The following TMEM167A variants were observed in gnomAD, a reference collection of about 807,000 sequenced individuals.
TMEM167A encodes transmembrane protein 167A.
In TMEM167A, 8 loss-of-function variants were observed where a neutral mutation model predicts 11.6. The observed-to-expected ratio is 0.69, with a 90% CI of 0.40 to 1.24. The LOEUF is 1.24. TMEM167A is among the 50% of genes most tolerant of loss of function. TMEM167A has a pLI of 0.01. For missense variants in TMEM167A, 62 were observed against 87.0 expected (o/e 0.71, Z 1.14); for synonymous variants, 22 against 28.0 (o/e 0.79, Z 0.67).
rs1388183412 is a variant in TMEM167A, at chr5:83,053,921, C to T, written c.*3163G>A. 1.3e-5 allele frequency: 2 copies of T among 151,994 alleles called. No individual in the cohort carries two copies. The highest frequency in any genetic ancestry group is 2.9e-5 in the Non-Finnish European group (2 of 67,942). The allele number at this position is 151,994 out of a possible 1,614,324, so 9.4% of individuals were successfully genotyped here. A position where few individuals can be genotyped will look rare whatever the true frequency, so the allele number is the denominator to read the frequency against. On this transcript the variant is annotated 3_prime_UTR_variant, in exon 4 of 4. Coordinates refer to ENST00000502346, the MANE Select transcript of TMEM167A (RefSeq NM_174909.5). ...TCACCTAGTGCACTATGAATTACTA[C>T]GAGGAAGAATCTGTGTGCCTATCTT... is the stretch of plus-strand genomic sequence containing the variant.
intron 1 of TMEM167A, among the ~76,000 whole-genome samples, chr5:83,075,638 G>A (rs773110324): frequency 3.3e-5 from 5 of 151,888 alleles, no homozygotes; most frequent in African/African-American, 4.8e-5. Flanking sequence ...CCAGCTACTC[G>A]GGAGGCTGAG....
chr5:83,072,267 G>C (rs1275560722), intron 1 of TMEM167A, among the ~76,000 whole-genome samples: 1 of 152,064 alleles, frequency 6.6e-6, no homozygotes, highest in Non-Finnish European at 1.5e-5. Context: ...ATAAATGGTA[G>C]AGTGAAAAAA....
Position 83,065,623 on chromosome 5 carries a change from AT to A in TMEM167A, c.4-507del, listed in dbSNP as rs200441456. Among the ~76,000 whole-genome samples, 42 of 152,254 alleles carry A rather than the reference AT, an allele frequency of 2.8e-4. No individual in the cohort carries two copies. The East Asian group carries it at 6.8e-3, about 25-fold the overall frequency. On this transcript the variant is annotated intron_variant, in intron 1 of 3. Coordinates refer to ENST00000502346, the MANE Select transcript of TMEM167A (RefSeq NM_174909.5). Reference sequence around the variant, plus strand: ...GTGCCAAAATGATGCTAAAAAAAAAATGTTCATTGGAGCATTTTGGATTTCT... The same window carrying A: ...GTGCCAAAATGATGCTAAAAAAAAAAGTTCATTGGAGCATTTTGGATTTCT...
At chr5:83,059,955 G>C (rs111756618) in intron 3 of TMEM167A, among the ~76,000 whole-genome samples, 2 of 141,840 alleles carry the variant, frequency 1.4e-5, no homozygotes, top group Non-Finnish European at 3.1e-5. Context: ...CCAGTTTAAG[G>C]TAATGATACT....
rs1315139801 is a variant in TMEM167A, at chr5:83,054,101, T to C, written c.*2983A>G. On this transcript the variant is annotated 3_prime_UTR_variant, in exon 4 of 4. Transcript: ENST00000502346. ...AATTTATTCAATCTCTATTTTGTCC[T>C]AACTAGACTGATCATCTTATTACTA... 2.0e-5 allele frequency: 3 copies of C among 152,042 alleles called. No homozygotes were observed. The highest frequency in any genetic ancestry group is 4.4e-5 in the Non-Finnish European group (3 of 67,926). 9.4% of individuals were successfully genotyped at this position (152,042 alleles called of 1,614,324 possible). A position where few individuals can be genotyped will look rare whatever the true frequency, so the allele number is the denominator to read the frequency against.
At chr5:83,071,516 A>G (rs943625387) in intron 1 of TMEM167A, 5 of 152,182 alleles carry the variant, frequency 3.3e-5, no homozygotes, top group African/African-American at 1.2e-4. Flanking sequence ...GCATTTTCCA[A>G]CTAGTCTCTT....
intron 3 of TMEM167A, 119 bp from the exon 4 acceptor site, chr5:83,057,273 G>T: frequency 1.2e-6 from 1 of 831,762 alleles, no homozygotes; most frequent in East Asian, 2.6e-5. Flanking sequence ...GCACATTGGG[G>T]GTGGGGCAGT....
intron 3 of TMEM167A, among the ~76,000 whole-genome samples, chr5:83,057,759 A>G (rs1410285307): frequency 6.6e-6 from 1 of 152,116 alleles, no homozygotes; most frequent in African/African-American, 2.4e-5. Context: ...TAGAACTAAA[A>G]CTAACCACTT....
intron 1 of TMEM167A, among the ~76,000 whole-genome samples, chr5:83,069,825 A>G (rs747968878): frequency 6.6e-6 from 1 of 152,182 alleles, no homozygotes; most frequent in Non-Finnish European, 1.5e-5. Flanking sequence ...ACTTGAACGC[A>G]ACTGGCAATA....
rs750888547 is a variant in TMEM167A, at chr5:83,071,435, T to A, written c.3+5886A>T. On this transcript the variant is annotated intron_variant, in intron 1 of 3. Coordinates refer to ENST00000502346, the MANE Select transcript of TMEM167A (RefSeq NM_174909.5). ...CACAGAAATGACACTCCTGACCTAA[T>A]TGTGATCAAAATTATTCAGCATTAG... is the stretch of plus-strand genomic sequence containing the variant. The A allele has an allele frequency of 5.3e-5, 8 of 152,200 alleles. No homozygotes were observed. The South Asian group carries it at 1.7e-3, about 31-fold the overall frequency. 9.4% of individuals were successfully genotyped at this position (152,200 alleles called of 1,614,324 possible). A position where few individuals can be genotyped will look rare whatever the true frequency, so the allele number is the denominator to read the frequency against.
rs1744288581 is a variant in TMEM167A at position 83,053,548 on chromosome 5, T to G, written c.*3536A>C. 1 of 152,024 alleles carries G rather than the reference T, an allele frequency of 6.6e-6. No homozygotes were observed. Among genetic ancestry groups the G allele is most frequent in the South Asian group, 2.1e-4 (1 of 4,830 alleles). The allele number at this position is 152,024 out of a possible 1,614,324, so 9.4% of individuals were successfully genotyped here. ...CATACACCAAGGAAGAATTTAAATT[T>G]CTGCCCTTGAGTAGTTTTGTGTTAG... is the stretch of plus-strand genomic sequence containing the variant. On this transcript the variant is annotated 3_prime_UTR_variant, in exon 4 of 4. Coordinates refer to ENST00000502346, the MANE Select transcript of TMEM167A (RefSeq NM_174909.5).
At chr5:83,071,588 T>A (rs542608044) in intron 1 of TMEM167A, among the ~76,000 whole-genome samples, 232 of 152,310 alleles carry the variant, frequency 1.5e-3, no homozygotes, top group Non-Finnish European at 2.3e-3. Context: ...AACACACATA[T>A]ATATAATTTG....
chr5:83,060,458 T>G (rs1051221572), intron 3 of TMEM167A, among the ~76,000 whole-genome samples: 6 of 151,216 alleles, frequency 4.0e-5, no homozygotes, highest in African/African-American at 1.5e-4. Flanking sequence ...TCAGTCCAAG[T>G]GGTATATGTA....
At chr5:83,057,433 C>A (rs183984140) in intron 3 of TMEM167A, among the ~76,000 whole-genome samples, 2 of 151,990 alleles carry the variant, frequency 1.3e-5, no homozygotes, top group Non-Finnish European at 2.9e-5. Flanking sequence ...AACTCAGACA[C>A]TAAAAAATAC....
chr5:83,053,642 T>C lies in TMEM167A; in HGVS notation c.*3442A>G, dbSNP rs1744289853. 1 of 151,968 alleles carries C rather than the reference T, an allele frequency of 6.6e-6. No individual in the cohort carries two copies. The highest frequency in any genetic ancestry group is 1.5e-5 in the Non-Finnish European group (1 of 67,918). 9.4% of individuals were successfully genotyped at this position (151,968 alleles called of 1,614,324 possible). On this transcript the variant is annotated 3_prime_UTR_variant, in exon 4 of 4. Coordinates refer to ENST00000502346, the MANE Select transcript of TMEM167A (RefSeq NM_174909.5). ...GGAATGAGAAAAATACAAGACAGTC[T>C]AAGATCTAACCTTTGCCTACCTTTC...
intron 1 of TMEM167A, among the ~76,000 whole-genome samples, chr5:83,073,674 G>A (rs1205128663): frequency 4.6e-5 from 7 of 152,188 alleles, no homozygotes; most frequent in African/African-American, 1.7e-4. Context: ...TATATCTCTG[G>A]GATGTAGAAG....
chr5:83,073,119 C>T (rs1056387229), intron 1 of TMEM167A, among the ~76,000 whole-genome samples: 6 of 152,132 alleles, frequency 3.9e-5, no homozygotes, highest in South Asian at 2.1e-4. Flanking sequence ...AAATTGGTTC[C>T]GTTTAAATCT....
chr5:83,069,068 G>A (rs1408757038), intron 1 of TMEM167A, among the ~76,000 whole-genome samples: 2 of 152,178 alleles, frequency 1.3e-5, no homozygotes, highest in Non-Finnish European at 2.9e-5. Flanking sequence ...ACGTTTGTGT[G>A]TGAAGCCATT....
At chr5:83,068,770 G>A (rs1243480721) in intron 1 of TMEM167A, among the ~76,000 whole-genome samples, 1 of 152,142 alleles carries the variant, frequency 6.6e-6, no homozygotes, top group Non-Finnish European at 1.5e-5. Context: ...TTCAAAGTAG[G>A]TTTATCATTT....
Sources: gnomAD v4.1 joint callset for allele counts (sites outside exome capture counted in the v4.1 genomes callset) on GRCh38, gnomAD v4.1.1 for gene constraint, MANE v1.5 for transcripts, NCBI Gene and HGNC (gene_info 2026-07-23, HGNC 2026-07-21) for gene names.